Variants in PSD3 observed in about 807,000 individuals in gnomAD.
The protein encoded by PSD3 is PH and SEC7 domain-containing protein 3.
Under a neutral mutation model 105.5 loss-of-function variants are expected in PSD3, and 49 were observed. The observed-to-expected ratio is 0.46, with a 90% confidence interval of 0.37 to 0.59. The LOEUF is 0.59. Ranked by LOEUF, PSD3 falls within the 20% of genes least tolerant of loss-of-function variation. The pLI, the probability that PSD3 is intolerant of heterozygous loss-of-function variation, is 0.00. For missense variants in PSD3, 1,561 were observed against 1,263.8 expected (o/e 1.24, Z -3.57); for synonymous variants, 557 against 457.8 (o/e 1.22, Z -2.77).
At chr8:18,600,464 A>T in intron 11 of PSD3, 30 bp from the exon 12 acceptor site, 1 of 1,494,660 alleles carries the variant, frequency 6.7e-7, no homozygotes, top group South Asian at 1.2e-5. Flanking sequence ...GTAAAATTTT[A>T]TTTGACATCA....
At chr8:18,630,198 C>T (rs576853460) in intron 11 of PSD3, among the ~76,000 whole-genome samples, 1 of 151,560 alleles carries the variant, frequency 6.6e-6, no homozygotes, top group Non-Finnish European at 1.5e-5. Context: ...GCTACAAAGA[C>T]AAAAGCCCCA....
chr8:18,757,818 C>T (rs1806183915), intron 9 of PSD3, among the ~76,000 whole-genome samples: 1 of 152,108 alleles, frequency 6.6e-6, no homozygotes, highest in African/African-American at 2.4e-5. Context: ...TTGTCTTTTT[C>T]TTAAAACGTC....
intron 6 of PSD3, chr8:18,802,368 G>T: frequency 2.6e-6 from 1 of 385,974 alleles, no homozygotes; most frequent in Non-Finnish European, 5.0e-6. Context: ...CATGAGATGG[G>T]AAGGAAAAAA....
rs79662305 is a variant in PSD3 at position 19,025,667 on chromosome 8, C to G, written c.324+58539G>C. Among the ~76,000 whole-genome samples the G allele has an allele frequency of 1.2e-4, 18 of 152,292 alleles. No individual in the cohort carries two copies. In the East Asian group the frequency reaches 3.5e-3, roughly 29 times the overall value. ...CAGAAGTACTGGTGGCAACCCCAGACTTACTGTTGGCATCTGAATTGGGGA... is the reference window on the plus strand; with the variant it reads ...CAGAAGTACTGGTGGCAACCCCAGAGTTACTGTTGGCATCTGAATTGGGGA... On this transcript the variant is annotated intron_variant, in intron 1 of 1. Coordinates refer to the PSD3 transcript ENST00000521475.
intron 1 of PSD3, among the ~76,000 whole-genome samples, chr8:19,069,520 A>T (rs972999131): frequency 6.6e-6 from 1 of 152,228 alleles, no homozygotes; most frequent in African/African-American, 2.4e-5. Flanking sequence ...GCAAACGTGG[A>T]TCTTCCTTTC....
chr8:18,560,631 C>T (rs1209863545), intron 14 of PSD3, among the ~76,000 whole-genome samples: 1 of 151,412 alleles, frequency 6.6e-6, no homozygotes, highest in Non-Finnish European at 1.5e-5. Context: ...TCAGTAAGAC[C>T]TTTCATAATA....
rs1361739307 is a variant in PSD3 at position 18,871,800 on chromosome 8, C to G, written c.1064G>C (p.Ser355Thr). The G allele has an allele frequency of 1.9e-6, 3 of 1,614,084 alleles. No individual in the cohort carries two copies. Among genetic ancestry groups the G allele is most frequent in the Non-Finnish European group, 2.5e-6 (3 of 1,180,044 alleles). ...ISSAGLCNSS[S>T]LTENVWDESW... ...TTCATCCCAAACATTCTCAGTTAAA[C>G]TACTTGAATTACACAAACCAGCTGA... Residue 355 changes from serine (S) to threonine (T), a missense_variant, in exon 3 of 16, where the codon AGT (serine) becomes ACT (threonine). By Grantham distance (58) the Ser-to-Thr change is moderately conservative (BLOSUM62 1). Coordinates refer to ENST00000327040, the MANE Select transcript of PSD3 (RefSeq NM_015310.4).
intron 2 of PSD3, among the ~76,000 whole-genome samples, chr8:18,892,175 TCA>T (rs60102889): frequency 0.047 from 7,066 of 149,894 alleles, 205 homozygotes; most frequent in South Asian, 0.081. Flanking sequence ...TTACTTACAA[TCA>T]CACACACACA....
At chr8:18,615,134 C>T (rs1805563177) in intron 11 of PSD3, among the ~76,000 whole-genome samples, 1 of 151,880 alleles carries the variant, frequency 6.6e-6, no homozygotes, top group Non-Finnish European at 1.5e-5. Context: ...CCTCGTAAAG[C>T]AACCTTTTTC....
At chr8:18,628,353 T>G (rs553786137) in intron 11 of PSD3, among the ~76,000 whole-genome samples, 2 of 151,988 alleles carry the variant, frequency 1.3e-5, no homozygotes, top group East Asian at 3.9e-4. Context: ...AAAAGCCATC[T>G]TGGGTGCAGA....
At chr8:18,924,036 T>C (rs1821203522) in intron 2 of PSD3, among the ~76,000 whole-genome samples, 1 of 152,124 alleles carries the variant, frequency 6.6e-6, no homozygotes, top group Non-Finnish European at 1.5e-5. Flanking sequence ...CTGCAACACT[T>C]CTTAGTTATC....
intron 1 of PSD3, among the ~76,000 whole-genome samples, chr8:19,081,402 A>G (rs763053822): frequency 2.6e-5 from 4 of 152,214 alleles, no homozygotes; most frequent in Admixed American, 6.5e-5. Context: ...GCCAGCTGGA[A>G]AGACAGTGAA....
At chr8:18,815,009 C>T (rs1212059388) in intron 4 of PSD3, among the ~76,000 whole-genome samples, 1 of 152,212 alleles carries the variant, frequency 6.6e-6, no homozygotes, top group East Asian at 1.9e-4. Flanking sequence ...TGGGTACCCA[C>T]ACCACCACCA....
At chr8:18,789,321 A>G (rs1001761747) in intron 8 of PSD3, among the ~76,000 whole-genome samples, 5 of 152,194 alleles carry the variant, frequency 3.3e-5, no homozygotes, top group African/African-American at 1.2e-4. Flanking sequence ...ATAAACACAA[A>G]CAGATATGAG....
chr8:18,786,296 C>CA (rs569820705), intron 8 of PSD3, among the ~76,000 whole-genome samples: 5 of 152,240 alleles, frequency 3.3e-5, no homozygotes, highest in Admixed American at 6.5e-5. Flanking sequence ...TTAAAGGCTA[C>CA]AGAGTCAAAA....
At chr8:18,544,171 C>CA (rs201016537) in intron 15 of PSD3, among the ~76,000 whole-genome samples, 3,893 of 105,116 alleles carry the variant, frequency 0.037, 298 homozygotes, top group African/African-American at 0.067. Context: ...AGAAACAAAC[C>CA]AAAAAAAAAA....
chr8:18,814,650 G>C (rs1031420297), intron 4 of PSD3, among the ~76,000 whole-genome samples: 2 of 152,188 alleles, frequency 1.3e-5, no homozygotes, highest in Non-Finnish European at 2.9e-5. Context: ...TCCAGCTTTA[G>C]AAATAGAAAT....
rs563302367 is a variant in PSD3, at chr8:18,815,587, G to A, written c.1635-10689C>T. Among the ~76,000 whole-genome samples the A allele has an allele frequency of 3.9e-5, 6 of 152,178 alleles. No homozygotes were observed. The East Asian group carries it at 1.2e-3, about 29-fold the overall frequency. The stretch of plus-strand genomic sequence containing the variant: ...CGGCCTCCCAAAGTGCTGGGATTAT[G>A]AGAGGGAGCCACTGCGTCCAGCCCC... On this transcript the variant is annotated intron_variant, in intron 4 of 15. Coordinates refer to ENST00000327040, the MANE Select transcript of PSD3 (RefSeq NM_015310.4).
intron 4 of PSD3, among the ~76,000 whole-genome samples, chr8:18,846,743 T>G (rs774517193): frequency 1.3e-5 from 2 of 152,092 alleles, no homozygotes; most frequent in Non-Finnish European, 2.9e-5. Flanking sequence ...AACCGACTGG[T>G]CTCAACTCCC....
Sources: gnomAD v4.1 joint callset for allele counts (sites outside exome capture counted in the v4.1 genomes callset) on GRCh38, gnomAD v4.1.1 for gene constraint, MANE v1.5 for transcripts, NCBI Gene and HGNC (gene_info 2026-07-23, HGNC 2026-07-21) for gene names.